Variants in RAB36 observed in about 807,000 individuals in gnomAD.
RAB36 encodes the protein ras-related protein Rab-36.
In RAB36, 33 loss-of-function variants were observed where a neutral mutation model predicts 39.3. The observed-to-expected ratio is 0.84, with a 90% CI of 0.64 to 1.12. The LOEUF is 1.12. Ranked by LOEUF, RAB36 falls within the 50% of genes most tolerant of loss-of-function variation. The pLI is 0.00. For synonymous variants in RAB36, 133 were observed against 140.2 expected, an observed-to-expected ratio of 0.95 and a Z score of 0.36; for missense variants, 308 against 355.3, an observed-to-expected ratio of 0.87 and a Z score of 1.07.
Position 23,162,904 on chromosome 22 carries a change from A to G in RAB36, c.*1340A>G, listed in dbSNP as rs2071890197. 9.0e-6 allele frequency: 3 copies of G among 334,820 alleles called. No homozygotes were observed. The highest frequency in any genetic ancestry group is 1.7e-5 in the Non-Finnish European group (3 of 171,662). The allele number at this position is 334,820 out of a possible 1,614,324, so 20.7% of individuals were successfully genotyped here. ...TTCAACATATTTTTTGTAGTTTTTTATATAAATGACTTTTTTTTTTTTTTG... is the reference window on the plus strand; with the variant it reads ...TTCAACATATTTTTTGTAGTTTTTTGTATAAATGACTTTTTTTTTTTTTTG... On this transcript the variant is annotated 3_prime_UTR_variant, in exon 11 of 11. Transcript: ENST00000263116.
At chr22:23,150,302 TTC>T in intron 3 of RAB36, 148 bp downstream of exon 3, 41 of 631,150 alleles carry the variant, frequency 6.5e-5, no homozygotes, top group East Asian at 8.7e-5. Context: ...TCTTTTTTTT[TTC>T]TTTTTTTTTT....
chr22:23,168,455 C>T (rs550592761), downstream of RAB36, among the ~76,000 whole-genome samples: 7 of 152,262 alleles, frequency 4.6e-5, no homozygotes, highest in Admixed American at 6.5e-5. Context: ...GAGGGAGAAG[C>T]GGCTCCTGGA....
In RAB36 at chr22:23,163,606, G is replaced by GCC. The variant is rs71744650; in HGVS notation, c.*2051_*2052dup. The GCC allele has an allele frequency of 0.017, 2,124 of 125,296 alleles. 123 individuals are homozygous for GCC. The highest frequency in any genetic ancestry group is 0.064 in the Middle Eastern group (15 of 234). The allele number at this position is 125,296 out of a possible 1,614,324, so 7.8% of individuals were successfully genotyped here. On this transcript the variant is annotated 3_prime_UTR_variant, in exon 11 of 11. Transcript: ENST00000263116. ...AAAGCATATAAAATACAAGGTGAAA[G>GCC]CCCCCCCCCCGCCACATTAGCTGCG... is the stretch of plus-strand genomic sequence containing the variant.
At chr22:23,155,006 T>C (rs1272822061) in intron 5 of RAB36, among the ~76,000 whole-genome samples, 1 of 152,102 alleles carries the variant, frequency 6.6e-6, no homozygotes, top group Non-Finnish European at 1.5e-5. Context: ...ATGCCTGTAA[T>C]CCAAGCTACT....
intron 4 of RAB36, 137 bp from the exon 5 acceptor site, chr22:23,152,896 A>G: frequency 1.5e-6 from 1 of 679,202 alleles, no homozygotes; most frequent in Non-Finnish European, 2.6e-6. Context: ...TGCCCTGCCC[A>G]CCCATGGCCT....
chr22:23,158,138 G>A, intron 7 of RAB36, 95 bp downstream of exon 7: 1 of 1,564,554 alleles, frequency 6.4e-7, no homozygotes. Context: ...CTGACCCCGT[G>A]GTGGGTGTGA....
Position 23,161,619 on chromosome 22 carries a change from C to G in RAB36, c.*55C>G. ...CTGCACACACACGGACAGGAATTTC[C>G]GTGACTGTGGTGTGGAGACTGGAGC... On this transcript the variant is annotated 3_prime_UTR_variant, in exon 11 of 11. Coordinates refer to ENST00000263116, the MANE Select transcript of RAB36 (RefSeq NM_004914.5). 6.8e-7 allele frequency: 1 copy of G among 1,460,522 alleles called. No individual in the cohort carries two copies. The highest frequency in any genetic ancestry group is 9.4e-7 in the Non-Finnish European group (1 of 1,065,306). The allele number at this position is 1,460,522 out of a possible 1,614,324, so 90.5% of individuals were successfully genotyped here. A position where few individuals can be genotyped will look rare whatever the true frequency, so the allele number is the denominator to read the frequency against.
chr22:23,155,028 G>A (rs1233773087), intron 5 of RAB36, among the ~76,000 whole-genome samples: 1 of 152,184 alleles, frequency 6.6e-6, no homozygotes, highest in African/African-American at 2.4e-5. Context: ...GGGAGGCTGA[G>A]GCAGGAGAAT....
In RAB36 at chr22:23,161,675, G is replaced by A; in HGVS notation, c.*111G>A. 1.0e-6 allele frequency: 1 copy of A among 967,734 alleles called. No homozygotes were observed. Among genetic ancestry groups the A allele is most frequent in the Non-Finnish European group, 1.5e-6 (1 of 654,622 alleles). 59.9% of individuals were successfully genotyped at this position (967,734 alleles called of 1,614,324 possible). ...CTCTGCAGCGTGTCGCCCTCAAGCT[G>A]TAGGCCCATGTTCCAGTCCCTCCAC... On this transcript the variant is annotated 3_prime_UTR_variant, in exon 11 of 11. Coordinates refer to ENST00000263116, the MANE Select transcript of RAB36 (RefSeq NM_004914.5).
chr22:23,164,578 A>G lies in RAB36; in HGVS notation c.*3014A>G, dbSNP rs1214154780. 2.6e-5 allele frequency among the ~76,000 whole-genome samples: 4 copies of G among 152,082 alleles called. No homozygotes were observed. The highest frequency in any genetic ancestry group is 9.7e-5 in the African/African-American group (4 of 41,412). On this transcript the variant is annotated 3_prime_UTR_variant, in exon 11 of 11. Coordinates refer to ENST00000263116, the MANE Select transcript of RAB36 (RefSeq NM_004914.5). ...TAATGAAGACATTTCCTTCTTTCCC[A>G]GCATCGGGCAGTAAGTTTCCTGGGC... is the stretch of plus-strand genomic sequence containing the variant.
intron 7 of RAB36, among the ~76,000 whole-genome samples, chr22:23,158,277 C>G (rs1255882769): frequency 6.6e-6 from 1 of 152,224 alleles, no homozygotes; most frequent in African/African-American, 2.4e-5. Flanking sequence ...CAGCCACCCC[C>G]AGGCACGTGC....
chr22:23,152,912 G>A lies in RAB36; in HGVS notation c.228-121G>A, dbSNP rs1008498965. The A allele has an allele frequency of 2.7e-5, 20 of 739,120 alleles. No individual in the cohort carries two copies. The African/African-American group carries it at 2.8e-4, about 10-fold the overall frequency. 45.8% of individuals were successfully genotyped at this position (739,120 alleles called of 1,614,324 possible). On this transcript the variant is annotated intron_variant, in intron 4 of 10. Transcript: ENST00000263116. ...GCCCTGCCCACCCATGGCCTGCGTG[G>A]ACCATCGCTTCCTGATGGGAAGTGG...
chr22:23,165,942 A>C (rs542756021), downstream of RAB36, among the ~76,000 whole-genome samples: 358 of 152,092 alleles, frequency 2.4e-3, no homozygotes, highest in Non-Finnish European at 3.4e-3. Flanking sequence ...GTCAGGAGAT[A>C]GAGACCATCC....
rs2071249860 is a variant in RAB36 at position 23,153,027 on chromosome 22, C to G, written c.228-6C>G. 5 of 1,609,486 alleles carry G rather than the reference C, an allele frequency of 3.1e-6. No individual in the cohort carries two copies. The highest frequency in any genetic ancestry group is 4.3e-6 in the Non-Finnish European group (5 of 1,175,842). ...ACCCCTGTGACGACTTCCTCATCCC[C>G]CACAGGTTTTGCAAGAATGTTTTTG... On this transcript the variant is annotated splice_region_variant and splice_polypyrimidine_tract_variant and intron_variant, in intron 4 of 10. Transcript: ENST00000263116.
intron 7 of RAB36, among the ~76,000 whole-genome samples, chr22:23,158,466 G>C (rs1255130355): frequency 6.6e-6 from 1 of 152,222 alleles, no homozygotes; most frequent in East Asian, 1.9e-4. Context: ...TTGGCAATGT[G>C]ACCCATTCAA....
Position 23,161,499 on chromosome 22 carries a change from GA to G in RAB36, c.742del (p.Met248TrpfsTer178), listed in dbSNP as rs750296433. 1 of 1,608,892 alleles carries G rather than the reference GA, an allele frequency of 6.2e-7. No individual in the cohort carries two copies. The highest frequency in any genetic ancestry group is 8.5e-7 in the Non-Finnish European group (1 of 1,175,768). ...CTAAATTACTTCTCCCCTCCTTACAGAAATGGAAGGGAGTCCGCCCGAGACC... is the reference window on the plus strand; with the variant it reads ...CTAAATTACTTCTCCCCTCCTTACAGAATGGAAGGGAGTCCGCCCGAGACC... ...RLQVGNGDLI[Q>X]MEGSPPETQE... is the part of the protein sequence containing the mutation. On this transcript the variant is annotated frameshift_variant and splice_region_variant, in exon 11 of 11. Transcript: ENST00000263116. LOFTEE classifies it high-confidence loss of function.
rs55675235 is a variant in RAB36, at chr22:23,156,141, C to CTGA, written c.394+109_394+110insTGA. On this transcript the variant is annotated intron_variant, in intron 6 of 10. Transcript: ENST00000263116. ...TGCACAGGCACCAGTTTTTTGTCCT[C>CTGA]CAAGACCCACTGAGAAAACACCAGG... The CTGA allele has an allele frequency of 5.3e-5, 46 of 861,592 alleles. No individual in the cohort carries two copies. In the Admixed American group the frequency reaches 8.5e-4, roughly 16 times the overall value. The allele number at this position is 861,592 out of a possible 1,614,324, so 53.4% of individuals were successfully genotyped here. A position where few individuals can be genotyped will look rare whatever the true frequency, so the allele number is the denominator to read the frequency against.
At chr22:23,156,080 C>G (rs764690452) in intron 6 of RAB36, 48 bp downstream of exon 6, 5 of 1,527,942 alleles carry the variant, frequency 3.3e-6, no homozygotes, top group South Asian at 1.2e-5. Flanking sequence ...GCAGCGGGGT[C>G]CCTGCCGGGC....
In RAB36 at chr22:23,165,080, G is replaced by A. The variant is rs1233109701; in HGVS notation, c.*3516G>A. Among the ~76,000 whole-genome samples, 1 of 152,170 alleles carries A rather than the reference G, an allele frequency of 6.6e-6. No individual in the cohort carries two copies. The highest frequency in any genetic ancestry group is 1.5e-5 in the Non-Finnish European group (1 of 68,032). ...CTTGAGTGTGATTGGTCACATCTGG[G>A]CTTTCTCCCCCACCCATCTGTGGAA... On this transcript the variant is annotated 3_prime_UTR_variant, in exon 11 of 11. Transcript: ENST00000263116.
Sources: gnomAD v4.1 joint callset for allele counts (sites outside exome capture counted in the v4.1 genomes callset) on GRCh38, gnomAD v4.1.1 for gene constraint, MANE v1.5 for transcripts, NCBI Gene and HGNC (gene_info 2026-07-23, HGNC 2026-07-21) for gene names.